Variants in CDH13 observed in about 807,000 individuals in gnomAD.
CDH13 encodes the protein cadherin-13.
CDH13 carries 24 observed loss-of-function variants against 63.8 expected under a neutral mutation model. That is an observed-to-expected ratio of 0.38 (90% CI 0.27 to 0.53). The LOEUF (loss-of-function observed/expected upper bound fraction) is 0.53. Ranked by LOEUF, CDH13 falls within the 20% of genes least tolerant of loss-of-function variation. The pLI, the probability that CDH13 is intolerant of heterozygous loss-of-function variation, is 0.85. For missense variants in CDH13, 1,049 were observed against 903.1 expected (o/e 1.16, Z -2.07); for synonymous variants, 503 against 355.3 (o/e 1.42, Z -4.67).
chr16:83,544,445 C>G (rs112042447), intron 7 of CDH13, among the ~76,000 whole-genome samples: 18 of 152,086 alleles, frequency 1.2e-4, no homozygotes, highest in African/African-American at 3.6e-4. Context: ...ATTTAATACA[C>G]ATAACCTGCT....
chr16:82,843,788 C>G (rs951010607), intron 1 of CDH13, among the ~76,000 whole-genome samples: 1 of 152,140 alleles, frequency 6.6e-6, no homozygotes. Context: ...ACAGCAAGGC[C>G]GGGTAGGATC....
chr16:83,761,221 G>T (rs888531879), intron 11 of CDH13, among the ~76,000 whole-genome samples: 5 of 152,224 alleles, frequency 3.3e-5, no homozygotes, highest in African/African-American at 9.6e-5. Flanking sequence ...GGACCTATTT[G>T]CTTGGGGCCC....
intron 5 of CDH13, among the ~76,000 whole-genome samples, chr16:83,333,812 C>T (rs891963243): frequency 6.6e-6 from 1 of 152,132 alleles, no homozygotes; most frequent in Admixed American, 6.6e-5. Flanking sequence ...GTTTCGGCTT[C>T]ATTGTTAATG....
At chr16:83,481,231 C>A (rs1169206033) in intron 6 of CDH13, among the ~76,000 whole-genome samples, 1 of 152,188 alleles carries the variant, frequency 6.6e-6, no homozygotes, top group African/African-American at 2.4e-5. Context: ...GAATATAGAT[C>A]TGAATGTCTA....
intron 8 of CDH13, among the ~76,000 whole-genome samples, chr16:83,646,359 A>G (rs938945063): frequency 6.6e-6 from 1 of 152,128 alleles, no homozygotes; most frequent in African/African-American, 2.4e-5. Context: ...CATTCCACTA[A>G]TAAGCTTTCT....
intron 1 of CDH13, among the ~76,000 whole-genome samples, chr16:82,733,048 C>A (rs946414564): frequency 1.3e-5 from 2 of 152,204 alleles, no homozygotes; most frequent in Admixed American, 6.5e-5. Flanking sequence ...GTTTATTCCA[C>A]AGGCATACTC....
intron 5 of CDH13, among the ~76,000 whole-genome samples, chr16:83,287,046 A>T (rs1456723679): frequency 2.0e-5 from 3 of 152,090 alleles, no homozygotes; most frequent in Non-Finnish European, 4.4e-5. Context: ...GGCCACCTTC[A>T]TGAGCGCATG....
intron 6 of CDH13, among the ~76,000 whole-genome samples, chr16:83,435,372 G>A (rs905091897): frequency 6.6e-6 from 1 of 152,102 alleles, no homozygotes; most frequent in African/African-American, 2.4e-5. Flanking sequence ...TAACGGTGTA[G>A]GCAAAATGAT....
chr16:83,032,673 G>T (rs1037604348), intron 3 of CDH13, among the ~76,000 whole-genome samples: 2 of 152,084 alleles, frequency 1.3e-5, no homozygotes, highest in Non-Finnish European at 1.5e-5. Context: ...ATTCAGTCTC[G>T]TAGGTTAGAT....
At chr16:82,793,640 A>G (rs1170630010) in intron 1 of CDH13, among the ~76,000 whole-genome samples, 1 of 152,128 alleles carries the variant, frequency 6.6e-6, no homozygotes, top group Non-Finnish European at 1.5e-5. Flanking sequence ...CCGATATAGT[A>G]ACAGAGCAAA....
rs547795626 is a variant in CDH13, at chr16:83,784,529, G to C, written c.2134+1057G>C. Reference sequence around the variant, plus strand: ...TGCCTGTAGTCCCAGCTACTCGGGAGGCTGAGGCAGCAGAATCACTTGAAC... The same window carrying C: ...TGCCTGTAGTCCCAGCTACTCGGGACGCTGAGGCAGCAGAATCACTTGAAC... On this transcript the variant is annotated intron_variant, in intron 13 of 13. Coordinates refer to ENST00000567109, the MANE Select transcript of CDH13 (RefSeq NM_001257.5). 2.6e-5 allele frequency among the ~76,000 whole-genome samples: 4 copies of C among 152,020 alleles called. No homozygotes were observed. In the South Asian group the frequency reaches 6.2e-4, roughly 24 times the overall value.
chr16:83,735,537 C>G (rs1191059946), intron 10 of CDH13: 1 of 152,224 alleles, frequency 6.6e-6, no homozygotes, highest in Non-Finnish European at 1.5e-5. Context: ...TCTCCCCCTT[C>G]TTCAGCCCTC....
At chr16:82,837,301 G>A (rs933267367) in intron 1 of CDH13, among the ~76,000 whole-genome samples, 2 of 152,146 alleles carry the variant, frequency 1.3e-5, no homozygotes, top group East Asian at 1.9e-4. Flanking sequence ...TCAGAGGCTT[G>A]TGGTGAGGAT....
rs115702440 is a variant in CDH13 at position 83,722,585 on chromosome 16, A to G, written c.1539-25523A>G. ...AACATTTGCCAGTGTTCCTCTGGCA[A>G]AGAAAAGGAAAATAGCCAGAGGTAA... On this transcript the variant is annotated intron_variant, in intron 10 of 13. Coordinates refer to ENST00000567109, the MANE Select transcript of CDH13 (RefSeq NM_001257.5). 4.4e-3 allele frequency among the ~76,000 whole-genome samples: 663 copies of G among 152,336 alleles called. 6 individuals are homozygous for G. The highest frequency in any genetic ancestry group is 0.015 in the African/African-American group (626 of 41,562).
intron 3 of CDH13, among the ~76,000 whole-genome samples, chr16:83,048,632 T>C (rs969812196): frequency 1.3e-5 from 2 of 152,176 alleles, no homozygotes; most frequent in Non-Finnish European, 2.9e-5. Context: ...CTTTTCCATC[T>C]CTGAGTACCC....
intron 6 of CDH13, among the ~76,000 whole-genome samples, chr16:83,463,090 G>C (rs151330934): frequency 1.6e-3 from 243 of 152,262 alleles, no homozygotes; most frequent in African/African-American, 5.7e-3. Context: ...TCGGGAAGGA[G>C]TGTTGGGGCA....
At chr16:83,617,533 CTATT>C (rs1021600140) in intron 8 of CDH13, among the ~76,000 whole-genome samples, 3 of 151,148 alleles carry the variant, frequency 2.0e-5, no homozygotes, top group South Asian at 2.1e-4. Context: ...TATATAATAT[CTATT>C]CTTTTCTCAT....
At chr16:83,133,652 C>T (rs2036152927) in intron 4 of CDH13, among the ~76,000 whole-genome samples, 1 of 152,074 alleles carries the variant, frequency 6.6e-6, no homozygotes, top group African/African-American at 2.4e-5. Flanking sequence ...GTATGCACCA[C>T]CATGCCTGGC....
At chr16:83,245,662 G>C (rs1904917773) in intron 5 of CDH13, among the ~76,000 whole-genome samples, 3 of 152,198 alleles carry the variant, frequency 2.0e-5, no homozygotes, top group Admixed American at 2.0e-4. Flanking sequence ...CATAAGGTTA[G>C]AGCTTAAGCT....
Sources: gnomAD v4.1 joint callset for allele counts (sites outside exome capture counted in the v4.1 genomes callset) on GRCh38, gnomAD v4.1.1 for gene constraint, MANE v1.5 for transcripts, NCBI Gene and HGNC (gene_info 2026-07-23, HGNC 2026-07-21) for gene names.